The following TMEM37 variants were observed in gnomAD, a reference collection of about 807,000 sequenced individuals.
TMEM37 encodes the protein transmembrane protein 37, also known as voltage-dependent calcium channel gamma-like subunit.
A neutral mutation model predicts 11.0 loss-of-function variants in TMEM37; 12 were observed. The ratio of observed to expected loss-of-function variants is 1.09; its 90% CI spans 0.70 to 1.76. The LOEUF is 1.76. Among genes scored for constraint, TMEM37 ranks in the 40% most tolerant of loss-of-function variants. The probability of loss-of-function intolerance (pLI) is 0.00; values close to 1 mark genes in which losing one functional copy is unlikely to be tolerated. For missense variants in TMEM37, 203 were observed against 251.2 expected (o/e 0.81, Z 1.30); for synonymous variants, 127 against 110.5 (o/e 1.15, Z -0.94).
At position 119,437,584 on chromosome 2, in the gene TMEM37, G is replaced by A. The variant is rs1015363495; in HGVS notation, c.*144G>A. The A allele has an allele frequency of 8.6e-6, 10 of 1,165,518 alleles. No individual in the cohort carries two copies. The highest frequency in any genetic ancestry group is 5.3e-5 in the Admixed American group (2 of 37,852). 72.2% of individuals were successfully genotyped at this position (1,165,518 alleles called of 1,614,324 possible). ...GGCTGCCTGTTTGCCGATAACTTGT[G>A]GGTGGTCAGCCAGAAATGGCCCGGG... is the stretch of plus-strand genomic sequence containing the variant. On this transcript the variant is annotated 3_prime_UTR_variant, in exon 2 of 2. Coordinates refer to ENST00000306406, the MANE Select transcript of TMEM37 (RefSeq NM_183240.3).
chr2:119,433,296 G>T (rs1682439252), intron 1 of TMEM37, among the ~76,000 whole-genome samples: 1 of 152,246 alleles, frequency 6.6e-6, no homozygotes, highest in Non-Finnish European at 1.5e-5. Context: ...TTGCCAGGGG[G>T]CAAACACAGG....
chr2:119,431,778 GC>G, upstream of TMEM37: 1 of 727,284 alleles, frequency 1.4e-6, no homozygotes, highest in Non-Finnish European at 1.9e-6. Context: ...AGCTTTGAAC[GC>G]CCCCTCCCGC....
At chr2:119,430,552 A>G, upstream of TMEM37, 2 of 422,436 alleles carry the variant, frequency 4.7e-6, no homozygotes, top group South Asian at 1.8e-5. Flanking sequence ...AATCAGATGA[A>G]TATCTAAGTG....
intron 1 of TMEM37, among the ~76,000 whole-genome samples, chr2:119,433,824 C>T (rs1682448659): frequency 6.6e-6 from 1 of 152,138 alleles, no homozygotes; most frequent in South Asian, 2.1e-4. Context: ...CCTCCAGTAG[C>T]CGTTTCAGGC....
At position 119,437,361 on chromosome 2, in the gene TMEM37, A is replaced by G. The variant is rs1312412768; in HGVS notation, c.494A>G (p.Glu165Gly). The change falls in exon 2 of 2, where the codon GAA (glutamate) becomes GGA (glycine). Residue 165 changes from glutamate to glycine, a missense_variant. Physicochemically the swap from Glu to Gly is moderately conservative, Grantham distance 98. Transcript: ENST00000306406. ...LIGFTLMFWC[E>G]FTASFLLFLN... ...GGCTTCACCCTAATGTTTTGGTGCG[A>G]ATTCACTGCCTCCTTCCTCCTCTTC... 1.2e-6 allele frequency: 2 copies of G among 1,614,194 alleles called. No individual in the cohort carries two copies. Among genetic ancestry groups the G allele is most frequent in the South Asian group, 2.2e-5 (2 of 91,080 alleles).
chr2:119,431,783 C>CCA, upstream of TMEM37: 1 of 812,250 alleles, frequency 1.2e-6, no homozygotes, highest in Non-Finnish European at 1.6e-6. Flanking sequence ...TGAACGCCCC[C>CCA]TCCCGCCCCG....
At chr2:119,431,483 A>G (rs79090030), upstream of TMEM37, among the ~76,000 whole-genome samples, 3,531 of 152,336 alleles carry the variant, frequency 0.023, 128 homozygotes, top group African/African-American at 0.08. Context: ...CCGCGTTCCC[A>G]GAGGCTGGAC....
chr2:119,437,154 C>T lies in TMEM37; in HGVS notation c.287C>T (p.Ala96Val). 1 of 1,614,248 alleles carries T rather than the reference C, an allele frequency of 6.2e-7. No individual in the cohort carries two copies. The highest frequency in any genetic ancestry group is 8.5e-7 in the Non-Finnish European group (1 of 1,180,054). The change falls in exon 2 of 2, where the codon GCC becomes GTC. Residue 96 changes from alanine to valine, a missense_variant. Coordinates refer to ENST00000306406, the MANE Select transcript of TMEM37 (RefSeq NM_183240.3). ...VGMGLVRSVG[A>V]LAVVAAIFGL... ...ATGGGCCTGGTACGCAGCGTGGGCG[C>T]CTTGGCCGTGGTGGCCGCCATTTTT...
intron 1 of TMEM37, 87 bp from the exon 2 acceptor site, chr2:119,436,802 T>C: frequency 7.4e-6 from 8 of 1,075,230 alleles, no homozygotes; most frequent in Non-Finnish European, 1.1e-5. Context: ...CGGAGCAGGA[T>C]GGAGGGCTCA....
Position 119,437,658 on chromosome 2 carries a change from T to A in TMEM37, c.*218T>A. 1 of 599,434 alleles carries A rather than the reference T, an allele frequency of 1.7e-6. No homozygotes were observed. The highest frequency in any genetic ancestry group is 2.9e-6 in the Non-Finnish European group (1 of 342,436). The allele number at this position is 599,434 out of a possible 1,614,324, so 37.1% of individuals were successfully genotyped here. A position where few individuals can be genotyped will look rare whatever the true frequency, so the allele number is the denominator to read the frequency against. On this transcript the variant is annotated 3_prime_UTR_variant, in exon 2 of 2. Coordinates refer to ENST00000306406, the MANE Select transcript of TMEM37 (RefSeq NM_183240.3). The stretch of plus-strand genomic sequence containing the variant: ...GCCAGAGGCCAGGAGGGTGCCTCAG[T>A]GCCACCAACTGCACAGGCTTAGCCA...
Position 119,437,402 on chromosome 2 carries a change from G to A in TMEM37, c.535G>A (p.Gly179Ser), listed in dbSNP as rs748457214. Residue 179 changes from glycine (G) to serine (S), a missense_variant, in exon 2 of 2, where the codon GGC (glycine) becomes AGC (serine). By Grantham distance (56) the Gly-to-Ser change is moderately conservative. Coordinates refer to ENST00000306406, the MANE Select transcript of TMEM37 (RefSeq NM_183240.3). Reference protein sequence around the residue: ...SFLLFLNAISGLHINSITHPW... With the variant: ...SFLLFLNAISSLHINSITHPW... ...CCTCCTCTTCCTGAACGCCATCAGC[G>A]GCCTTCACATCAACAGCATCACCCA... 1.5e-5 allele frequency: 25 copies of A among 1,613,962 alleles called. No individual in the cohort carries two copies. The highest frequency in any genetic ancestry group is 6.7e-5 in the East Asian group (3 of 44,898).
chr2:119,437,280 C>T lies in TMEM37; in HGVS notation c.413C>T (p.Ser138Phe). The change falls in exon 2 of 2, where the codon TCC (serine) becomes TTC (phenylalanine). Residue 138 changes from serine to phenylalanine, a missense_variant. Transcript: ENST00000306406. ...SILLLVSFVL[S>F]SGGLLGFVIL... Reference sequence around the variant, plus strand: ...CTCCTCCTGGTGTCTTTCGTCCTCTCCTCCGGCGGGCTCCTGGGTTTTGTG... The same window carrying T: ...CTCCTCCTGGTGTCTTTCGTCCTCTTCTCCGGCGGGCTCCTGGGTTTTGTG... 1 of 1,614,234 alleles carries T rather than the reference C, an allele frequency of 6.2e-7. No individual in the cohort carries two copies.
At chr2:119,436,331 A>C (rs1168375389) in intron 1 of TMEM37, among the ~76,000 whole-genome samples, 2 of 152,092 alleles carry the variant, frequency 1.3e-5, no homozygotes, top group African/African-American at 4.8e-5. Flanking sequence ...ACCAAGAAAA[A>C]CGAGGCAATA....
chr2:119,431,975 A>G (rs917607105), intron 1 of TMEM37, 51 bp downstream of exon 1: 39 of 908,090 alleles, frequency 4.3e-5, no homozygotes, highest in Non-Finnish European at 5.2e-5. Context: ...CCGCCGTGGG[A>G]GGTTGGGGGT....
intron 1 of TMEM37, 132 bp from the exon 2 acceptor site, chr2:119,436,757 G>A: frequency 1.3e-6 from 1 of 747,282 alleles, no homozygotes; most frequent in Non-Finnish European, 2.2e-6. Context: ...TCTGTTCCGG[G>A]CTTCACAGGA....
intron 1 of TMEM37, among the ~76,000 whole-genome samples, chr2:119,435,843 T>C (rs919621953): frequency 6.6e-6 from 1 of 152,162 alleles, no homozygotes; most frequent in African/African-American, 2.4e-5. Flanking sequence ...GAGGAGACTT[T>C]AAGCTGAGAC....
intron 1 of TMEM37, among the ~76,000 whole-genome samples, chr2:119,433,257 T>A (rs1558824144): frequency 6.6e-6 from 1 of 152,204 alleles, no homozygotes; most frequent in Non-Finnish European, 1.5e-5. Context: ...CGCTTCGGGA[T>A]GATAACTCTT....
rs569002553 is a variant in TMEM37 at position 119,434,382 on chromosome 2, G to A, written c.21+2458G>A. On this transcript the variant is annotated intron_variant, in intron 1 of 1. Coordinates refer to ENST00000306406, the MANE Select transcript of TMEM37 (RefSeq NM_183240.3). Reference sequence around the variant, plus strand: ...CTCAGGAAGTTAAGAAACTGCCCAAGGACAAACACCTCTAATGGTTTGTGG... The same window carrying A: ...CTCAGGAAGTTAAGAAACTGCCCAAAGACAAACACCTCTAATGGTTTGTGG... 2.7e-3 allele frequency among the ~76,000 whole-genome samples: 416 copies of A among 152,160 alleles called. 1 individual carries two copies. Among genetic ancestry groups the A allele is most frequent in the African/African-American group, 9.7e-3 (403 of 41,506 alleles).
chr2:119,431,800 T>C (rs2104734398), upstream of TMEM37: 11 of 858,304 alleles, frequency 1.3e-5, no homozygotes, highest in South Asian at 5.6e-5. Flanking sequence ...CCCGCCCGCC[T>C]CCAGCAGCCG....
Sources: allele counts gnomAD v4.1 joint callset (sites outside exome capture counted in the v4.1 genomes callset), GRCh38; gene constraint gnomAD v4.1.1; transcripts MANE v1.5; gene names NCBI Gene and HGNC (gene_info 2026-07-23, HGNC 2026-07-21).